The following CRTAC1 variants were observed in gnomAD, a reference collection of about 807,000 sequenced individuals.
CRTAC1 encodes cartilage acidic protein 1.
A neutral mutation model predicts 67.8 loss-of-function variants in CRTAC1; 37 were observed. The observed-to-expected ratio is 0.55, with a 90% CI of 0.42 to 0.72. CRTAC1 has a LOEUF of 0.72. Ranked by LOEUF, CRTAC1 falls within the 30% of genes least tolerant of loss-of-function variation. CRTAC1 has a pLI of 0.00. For missense variants in CRTAC1, 780 were observed against 931.6 expected (o/e 0.84, Z 2.12); for synonymous variants, 348 against 371.0 (o/e 0.94, Z 0.71).
At chr10:97,923,451 G>T in intron 3 of CRTAC1, 51 bp from the exon 4 acceptor site, 1 of 1,609,866 alleles carries the variant, frequency 6.2e-7, no homozygotes, top group Non-Finnish European at 8.5e-7. Flanking sequence ...CAGGGTCTTG[G>T]TTCTGATCTC....
chr10:97,975,302 G>T lies in CRTAC1; in HGVS notation c.224+35836C>A, dbSNP rs1425890987. ...TGTCCTCAGCCCCCTCACGGAGCAC[G>T]GGTGCTGCGGGAGGCGCCAGGGCCG... On this transcript the variant is annotated intron_variant, in intron 2 of 14. Coordinates refer to ENST00000370597, the MANE Select transcript of CRTAC1 (RefSeq NM_018058.7). This position sits in a 1 kb window ranked among gnomAD's most constrained non-coding sequence, Gnocchi z 4.8. 6.6e-6 allele frequency among the ~76,000 whole-genome samples: 1 copy of T among 152,036 alleles called. No homozygotes were observed. The highest frequency in any genetic ancestry group is 2.4e-5 in the African/African-American group (1 of 41,398).
chr10:97,885,856 A>G (rs946894270), intron 11 of CRTAC1, among the ~76,000 whole-genome samples: 1 of 152,218 alleles, frequency 6.6e-6, no homozygotes, highest in African/African-American at 2.4e-5. Context: ...TAAATAATAT[A>G]TCACCCACAT....
chr10:97,910,478 A>G (rs1248854311), intron 5 of CRTAC1, among the ~76,000 whole-genome samples: 2 of 152,234 alleles, frequency 1.3e-5, no homozygotes, highest in African/African-American at 4.8e-5. Context: ...TGTGCGCATT[A>G]AAGTTTGAAA....
intron 3 of CRTAC1, 143 bp from the exon 4 acceptor site, chr10:97,923,543 A>C (rs2050871383): frequency 5.6e-6 from 5 of 885,120 alleles, no homozygotes; most frequent in Non-Finnish European, 8.9e-6. Flanking sequence ...GACCTCAAGC[A>C]GGTGAGACTC....
intron 6 of CRTAC1, among the ~76,000 whole-genome samples, 167 bp downstream of exon 6, chr10:97,907,846 G>A (rs528386938): frequency 7.6e-4 from 116 of 152,260 alleles, no homozygotes; most frequent in Non-Finnish European, 1.2e-3. Flanking sequence ...AGGGAGCTAA[G>A]GAATAGGAAG....
At chr10:97,936,955 C>T (rs1267537128) in intron 2 of CRTAC1, among the ~76,000 whole-genome samples, 2 of 152,010 alleles carry the variant, frequency 1.3e-5, no homozygotes, top group East Asian at 1.9e-4. Context: ...TGTGAATGAG[C>T]CCTGGAGGAG....
chr10:97,968,317 A>T (rs1459458261), intron 2 of CRTAC1, among the ~76,000 whole-genome samples: 1 of 152,142 alleles, frequency 6.6e-6, no homozygotes, highest in African/African-American at 2.4e-5. Context: ...ATTTTGGCTC[A>T]CTGCAACCTC....
At chr10:97,997,600 G>T (rs938018775) in intron 2 of CRTAC1, among the ~76,000 whole-genome samples, 12 of 152,082 alleles carry the variant, frequency 7.9e-5, no homozygotes, top group African/African-American at 2.9e-4. Flanking sequence ...CCCAAGGACT[G>T]CGGATATTAG....
intron 11 of CRTAC1, among the ~76,000 whole-genome samples, chr10:97,890,006 G>A (rs1309922410): frequency 6.6e-6 from 1 of 152,116 alleles, no homozygotes; most frequent in Non-Finnish European, 1.5e-5. Context: ...TGATGAGTGT[G>A]AGTGCTGTCT....
rs779495027 is a variant in CRTAC1, at chr10:97,923,324, G to A, written c.498C>T (p.Asn166=). The A allele has an allele frequency of 3.1e-6, 5 of 1,614,026 alleles. No individual in the cohort carries two copies. The East Asian group carries it at 6.7e-5, about 22-fold the overall frequency. The part of the protein sequence containing the change: ...RWEDILSDEV[N]VARGVASLFA... Reference sequence around the variant, plus strand: ...AGAGGCTGGCCACACCACGGGCCACGTTGACCTCATCGCTCAGGATGTCTT... The same window carrying A: ...AGAGGCTGGCCACACCACGGGCCACATTGACCTCATCGCTCAGGATGTCTT... The change falls in exon 4 of 15, where the codon AAC becomes AAT. Residue 166 remains asparagine (N), a synonymous_variant. Transcript: ENST00000370597.
rs372912892 is a variant in CRTAC1 at position 97,878,822 on chromosome 10, A to G, written c.1819+1427T>C. 14 of 723,454 alleles carry G rather than the reference A, an allele frequency of 1.9e-5. No individual in the cohort carries two copies. In the African/African-American group the frequency reaches 2.6e-4, roughly 14 times the overall value. The allele number at this position is 723,454 out of a possible 1,614,324, so 44.8% of individuals were successfully genotyped here. Reference sequence around the variant, plus strand: ...ATCTACATTAGGGAAACTGAGGCACAGCATGGAGAAGTGACTTCCTGCAGG... The same window carrying G: ...ATCTACATTAGGGAAACTGAGGCACGGCATGGAGAAGTGACTTCCTGCAGG... On this transcript the variant is annotated intron_variant, in intron 14 of 14. Transcript: ENST00000370597.
intron 2 of CRTAC1, among the ~76,000 whole-genome samples, chr10:97,963,358 C>T (rs1233995342): frequency 1.3e-5 from 2 of 152,216 alleles, no homozygotes; most frequent in African/African-American, 4.8e-5. Context: ...CCACCCCAGA[C>T]TTCTAGAGTC....
chr10:97,902,179 C>T (rs2050551024), intron 7 of CRTAC1, among the ~76,000 whole-genome samples: 3 of 152,176 alleles, frequency 2.0e-5, no homozygotes. Context: ...AGTTACTAAC[C>T]CCCTTGGATC....
At chr10:97,923,433 C>CCA (rs776724485) in intron 3 of CRTAC1, 33 bp from the exon 4 acceptor site, 1 of 1,613,524 alleles carries the variant, frequency 6.2e-7, no homozygotes, top group African/African-American at 1.3e-5. Context: ...GGCTGGTGGA[C>CCA]AGTGGATCAG....
At chr10:97,896,745 C>T (rs1022938476) in intron 9 of CRTAC1, among the ~76,000 whole-genome samples, 164 bp downstream of exon 9, 1 of 152,196 alleles carries the variant, frequency 6.6e-6, no homozygotes, top group Non-Finnish European at 1.5e-5. Flanking sequence ...CCAGGGTTCT[C>T]CCATCTCCAC....
chr10:97,906,161 A>G (rs2050608863), intron 6 of CRTAC1, among the ~76,000 whole-genome samples: 1 of 151,854 alleles, frequency 6.6e-6, no homozygotes, highest in African/African-American at 2.4e-5. Context: ...TGGGGGAGAG[A>G]AGGAGCTGGG....
intron 1 of CRTAC1, among the ~76,000 whole-genome samples, chr10:98,023,448 C>T (rs1012558907): frequency 3.3e-5 from 5 of 152,192 alleles, no homozygotes; most frequent in Admixed American, 3.3e-4. Flanking sequence ...TGCCAAGTGC[C>T]ATGCTAGGCA....
intron 2 of CRTAC1, among the ~76,000 whole-genome samples, chr10:97,943,176 G>A (rs751430991): frequency 5.3e-5 from 8 of 152,156 alleles, no homozygotes; most frequent in Non-Finnish European, 8.8e-5. Flanking sequence ...TGCACAAAGA[G>A]TGCAAGACCG....
rs866807863 is a variant in CRTAC1, at chr10:97,892,782, A to T, written c.1486+2463T>A. On this transcript the variant is annotated intron_variant, in intron 11 of 14. Transcript: ENST00000370597. The stretch of plus-strand genomic sequence containing the variant: ...CTTGTGCCTTTAGGGCCAGCTTAGC[A>T]CATAGCTGCCTTAGGAGTGATAAAC... 2.0e-5 allele frequency among the ~76,000 whole-genome samples: 3 copies of T among 152,354 alleles called. No homozygotes were observed. The South Asian group carries it at 6.2e-4, about 32-fold the overall frequency.
Sources: allele counts gnomAD v4.1 joint callset (sites outside exome capture counted in the v4.1 genomes callset), GRCh38; gene constraint gnomAD v4.1.1; non-coding constraint Gnocchi (gnomAD v3.1); transcripts MANE v1.5; gene names NCBI Gene and HGNC (gene_info 2026-07-23, HGNC 2026-07-21).